PRUNE2: variants seen among roughly 807,000 people sequenced by gnomAD.
PRUNE2 encodes the protein prune homolog 2 with BCH domain, also known as protein prune homolog 2.
A neutral mutation model predicts 252.0 loss-of-function variants in PRUNE2; 164 were observed. The observed-to-expected ratio is 0.65, with a 90% CI of 0.57 to 0.74. The LOEUF (loss-of-function observed/expected upper bound fraction) is 0.74. Ranked by LOEUF, PRUNE2 falls within the 30% of genes least tolerant of loss-of-function variation. PRUNE2 has a pLI of 0.00. For missense variants in PRUNE2, 3,495 were observed against 3,711.0 expected (o/e 0.94, Z 1.51); for synonymous variants, 1,292 against 1,350.2 (o/e 0.96, Z 0.94).
chr9:76,804,951 G>C (rs2056829615), intron 6 of PRUNE2, among the ~76,000 whole-genome samples: 1 of 152,232 alleles, frequency 6.6e-6, no homozygotes, highest in South Asian at 2.1e-4. Flanking sequence ...GCTGGATACA[G>C]TGGCTCACGC....
intron 1 of PRUNE2, among the ~76,000 whole-genome samples, chr9:76,885,837 T>A (rs1338371988): frequency 7.6e-6 from 1 of 132,336 alleles, no homozygotes; most frequent in Non-Finnish European, 1.6e-5. Flanking sequence ...AAAATAAAAT[T>A]ATTTAGTGAA....
In PRUNE2 at chr9:76,696,793, G is replaced by A. The variant is rs1343963311; in HGVS notation, c.8276+6544C>T. Among the ~76,000 whole-genome samples, 4 of 152,298 alleles carry A rather than the reference G, an allele frequency of 2.6e-5. No homozygotes were observed. The East Asian group carries it at 5.8e-4, about 22-fold the overall frequency. The stretch of plus-strand genomic sequence containing the variant: ...GGGGGAAGAGGCGGGAGTGCCTCCC[G>A]CTGGCCGTGTCCCTCACACTAGGTC... On this transcript the variant is annotated intron_variant, in intron 9 of 18. Coordinates refer to ENST00000376718, the MANE Select transcript of PRUNE2 (RefSeq NM_015225.3).
In PRUNE2 at chr9:76,823,735, G is replaced by C; in HGVS notation, c.662-9C>G. ...CTGTTCAATACTTAAACCTGTGGAT[G>C]ACAGGAAAAAAAAACATTATGTTAT... On this transcript the variant is annotated splice_polypyrimidine_tract_variant and intron_variant, in intron 5 of 18. Transcript: ENST00000376718. 1 of 1,526,910 alleles carries C rather than the reference G, an allele frequency of 6.5e-7. No homozygotes were observed. The highest frequency in any genetic ancestry group is 9.0e-7 in the Non-Finnish European group (1 of 1,114,534). The allele number at this position is 1,526,910 out of a possible 1,614,324, so 94.6% of individuals were successfully genotyped here.
chr9:76,826,729 C>CT lies in PRUNE2; in HGVS notation c.511dup (p.Ser171LysfsTer31), dbSNP rs1400030874. The CT allele has an allele frequency of 6.2e-7, 1 of 1,603,554 alleles. No individual in the cohort carries two copies. ...CATGGTCATCCACTTGAAAAGAATG[C>CT]TACCTGAAAGGTATGAATAAAAATG... On this transcript the variant is annotated frameshift_variant, in exon 5 of 19. Transcript: ENST00000376718. LOFTEE classifies it high-confidence loss of function.
At chr9:76,821,623 A>G (rs1261516006) in intron 6 of PRUNE2, among the ~76,000 whole-genome samples, 1 of 152,172 alleles carries the variant, frequency 6.6e-6, no homozygotes, top group Admixed American at 6.5e-5. Flanking sequence ...TCAGCCTATA[A>G]GAGTTTAAAC....
chr9:76,615,589 C>G (rs577157388), intron 18 of PRUNE2, among the ~76,000 whole-genome samples: 1 of 152,242 alleles, frequency 6.6e-6, no homozygotes, highest in South Asian at 2.1e-4. Flanking sequence ...AAGTCACCCA[C>G]CTTCTCTAAG....
chr9:76,882,180 C>A (rs1023466065), intron 1 of PRUNE2, among the ~76,000 whole-genome samples: 1 of 151,986 alleles, frequency 6.6e-6, no homozygotes, highest in Admixed American at 6.6e-5. Context: ...TCAAAGCATA[C>A]ATAGTATATT....
chr9:76,774,458 T>TTTATTTATTTATTTATTTATTTATTTA (rs2053499577), intron 6 of PRUNE2, among the ~76,000 whole-genome samples: 2 of 33,294 alleles, frequency 6.0e-5, no homozygotes, highest in African/African-American at 6.2e-4. Context: ...CCCTTTTTTT[T>TTTATTTATTTATTTATTTATTTATTTA]TTTTTTTTTT....
At chr9:76,678,552 G>A (rs143452770) in intron 9 of PRUNE2, among the ~76,000 whole-genome samples, 3,592 of 152,268 alleles carry the variant, frequency 0.024, 54 homozygotes, top group African/African-American at 0.03. Flanking sequence ...TTCCTTGGCC[G>A]GGCACGGCGG....
At chr9:76,877,773 A>T (rs951565252) in intron 1 of PRUNE2, among the ~76,000 whole-genome samples, 1 of 152,252 alleles carries the variant, frequency 6.6e-6, no homozygotes, top group Non-Finnish European at 1.5e-5. Context: ...GCACAGTTAA[A>T]TGTTTTTACA....
chr9:76,780,737 TTTTG>T (rs1397707699), intron 6 of PRUNE2, among the ~76,000 whole-genome samples: 1 of 147,792 alleles, frequency 6.8e-6, no homozygotes, highest in Non-Finnish European at 1.5e-5. Flanking sequence ...AGCAAGAGGG[TTTTG>T]TTTTTGTTTT....
At chr9:76,621,339 T>G (rs946990211) in intron 17 of PRUNE2, among the ~76,000 whole-genome samples, 22 of 152,326 alleles carry the variant, frequency 1.4e-4, no homozygotes, top group Admixed American at 1.3e-3. Context: ...TAAAAGGTAG[T>G]TGAAAAAATG....
At chr9:76,879,749 G>A (rs993251984) in intron 1 of PRUNE2, among the ~76,000 whole-genome samples, 4 of 151,260 alleles carry the variant, frequency 2.6e-5, no homozygotes, top group Non-Finnish European at 5.9e-5. Flanking sequence ...AGCATTCTCA[G>A]CAAAGGGTAC....
rs1269409225 is a variant in PRUNE2, at chr9:76,892,287, A to G, written c.36+13641T>C. ...TCAAGAGACCTCAAATCTATGTCTG[A>G]CTCTGTCACAATGTACTGTGGGACT... is the stretch of plus-strand genomic sequence containing the variant. On this transcript the variant is annotated intron_variant, in intron 1 of 18. Transcript: ENST00000376718. 2.0e-5 allele frequency among the ~76,000 whole-genome samples: 3 copies of G among 152,056 alleles called. No homozygotes were observed. The East Asian group carries it at 5.8e-4, about 29-fold the overall frequency.
chr9:76,898,509 A>G (rs924247391), intron 1 of PRUNE2, among the ~76,000 whole-genome samples: 3 of 152,220 alleles, frequency 2.0e-5, no homozygotes, highest in Admixed American at 1.3e-4. Context: ...GAATTAGGCC[A>G]GACTGGTCAC....
chr9:76,768,022 T>A (rs937296553), intron 6 of PRUNE2, among the ~76,000 whole-genome samples: 1 of 152,182 alleles, frequency 6.6e-6, no homozygotes, highest in Non-Finnish European at 1.5e-5. Context: ...CCTCCAGCTA[T>A]ACGTGCATCA....
Position 76,710,682 on chromosome 9 carries a change from T to C in PRUNE2, c.1592A>G (p.Gln531Arg). The change falls in exon 8 of 19, where the codon CAG becomes CGG. Residue 531 changes from glutamine to arginine, a missense_variant. Physicochemically the swap from Gln to Arg is conservative, Grantham distance 43 (BLOSUM62 1). Transcript: ENST00000376718. ...AAGTCCTTCAGGCCCAGCGGGGAGC[T>C]GTCCTTCTGACAGGTCACTGTTGGG... ...FFPNSDLSEG[Q>R]LPAGPEGLDG... is the part of the protein sequence containing the mutation. The C allele has an allele frequency of 6.2e-7, 1 of 1,612,302 alleles. No homozygotes were observed. The highest frequency in any genetic ancestry group is 1.3e-5 in the African/African-American group (1 of 75,032).
chr9:76,713,437 C>T (rs576011676), intron 7 of PRUNE2, 126 bp downstream of exon 7: 46 of 632,078 alleles, frequency 7.3e-5, no homozygotes, highest in African/African-American at 6.0e-4. Context: ...AAACTCAAAC[C>T]TCTAGGACTC....
chr9:76,823,813 C>G, intron 5 of PRUNE2, 87 bp from the exon 6 acceptor site: 3 of 764,582 alleles, frequency 3.9e-6, no homozygotes, highest in Non-Finnish European at 6.7e-6. Context: ...AGAATTTACT[C>G]TGTAAATTTC....
Sources: allele counts gnomAD v4.1 joint callset (sites outside exome capture counted in the v4.1 genomes callset), GRCh38; gene constraint gnomAD v4.1.1; transcripts MANE v1.5; gene names NCBI Gene and HGNC (gene_info 2026-07-23, HGNC 2026-07-21).